PALM2AKAP2: variants seen among roughly 807,000 people sequenced by gnomAD.
The protein encoded by PALM2AKAP2 is PALM2 and AKAP2 fusion, also known as PALM2-AKAP2 fusion protein.
A neutral mutation model predicts 71.5 loss-of-function variants in PALM2AKAP2; 37 were observed. The observed-to-expected ratio is 0.52, with a 90% CI of 0.40 to 0.68. PALM2AKAP2 has a LOEUF of 0.68. PALM2AKAP2 is among the 30% of genes least tolerant of loss of function. The pLI is 0.00. For synonymous variants in PALM2AKAP2, 468 were observed against 478.8 expected, an observed-to-expected ratio of 0.98 and a Z score of 0.29; for missense variants, 1,224 against 1,191.8, an observed-to-expected ratio of 1.03 and a Z score of -0.40.
chr9:109,780,348 C>T (rs572249928), upstream of PALM2AKAP2: 51 of 1,552,802 alleles, frequency 3.3e-5, no homozygotes, highest in African/African-American at 6.4e-4. Flanking sequence ...TGCCCGCCGC[C>T]CCTGGAGCGG....
intron 1 of PALM2AKAP2, among the ~76,000 whole-genome samples, chr9:109,763,318 C>T (rs1829090220): frequency 6.6e-6 from 1 of 152,158 alleles, no homozygotes; most frequent in African/African-American, 2.4e-5. Flanking sequence ...CTTTTCTCTC[C>T]ATCTCCATAG....
At chr9:109,936,848 G>A (rs555243628) in intron 6 of PALM2AKAP2, among the ~76,000 whole-genome samples, 1 of 152,252 alleles carries the variant, frequency 6.6e-6, no homozygotes, top group South Asian at 2.1e-4. Flanking sequence ...GGAACATGTG[G>A]TGCTTATATT....
chr9:110,009,234 T>TC (rs1832834944), intron 6 of PALM2AKAP2, among the ~76,000 whole-genome samples: 1 of 152,150 alleles, frequency 6.6e-6, no homozygotes, highest in Admixed American at 6.5e-5. Context: ...TGCCACTCTC[T>TC]CCCTCTGAGG....
rs894420167 is a variant in PALM2AKAP2 at position 110,061,606 on chromosome 9, TTA to T, written c.156+12764_156+12765del. Among the ~76,000 whole-genome samples, 811 of 147,788 alleles carry T rather than the reference TTA, an allele frequency of 5.5e-3. 6 individuals are homozygous for T. Among genetic ancestry groups the T allele is most frequent in the Middle Eastern group, 0.022 (6 of 278 alleles). On this transcript the variant is annotated intron_variant, in intron 1 of 3. Transcript: ENST00000374525. The stretch of plus-strand genomic sequence containing the variant: ...AACCTTTGATAGAGATACCATTATT[TTA>T]TATATATATATAAAATATATATATT...
chr9:109,677,193 G>A (rs1827659224), intron 1 of PALM2AKAP2, among the ~76,000 whole-genome samples: 1 of 152,284 alleles, frequency 6.6e-6, no homozygotes. Flanking sequence ...AGAATAAACA[G>A]CATGTTCATT....
At chr9:109,917,505 T>C (rs906212173) in intron 3 of PALM2AKAP2, among the ~76,000 whole-genome samples, 2 of 150,024 alleles carry the variant, frequency 1.3e-5, no homozygotes, top group African/African-American at 4.9e-5. Context: ...TTTTTTTTTT[T>C]TGAGACAGGG....
intron 1 of PALM2AKAP2, among the ~76,000 whole-genome samples, chr9:109,864,700 CAGT>C (rs1382664133): frequency 5.9e-5 from 9 of 152,178 alleles, no homozygotes; most frequent in Non-Finnish European, 1.2e-4. Flanking sequence ...TGGTAGCATT[CAGT>C]AGTTGCGACA....
At chr9:109,762,734 A>G (rs1183589047) in intron 1 of PALM2AKAP2, among the ~76,000 whole-genome samples, 1 of 152,216 alleles carries the variant, frequency 6.6e-6, no homozygotes, top group Non-Finnish European at 1.5e-5. Context: ...CTTGCCTTGG[A>G]GCTGAGATAA....
chr9:110,125,738 T>A, intron 1 of PALM2AKAP2: 2 of 345,280 alleles, frequency 5.8e-6, no homozygotes, highest in Non-Finnish European at 8.1e-6. Context: ...TGCTGGAGAG[T>A]AGGCAGCCGA....
rs555876973 is a variant in PALM2AKAP2, at chr9:109,927,753, G to A, written c.394+2671G>A. On this transcript the variant is annotated intron_variant, in intron 5 of 9. Coordinates refer to the PALM2AKAP2 transcript ENST00000302798. ...ATTCTGACACCCACTCTCCTCCCCC[G>A]CCAACACACACTGTTGTTATATAGC... Among the ~76,000 whole-genome samples the A allele has an allele frequency of 1.3e-4, 20 of 152,172 alleles. No homozygotes were observed. The East Asian group carries it at 2.3e-3, about 18-fold the overall frequency.
chr9:110,104,206 G>A (rs73532144), intron 1 of PALM2AKAP2, among the ~76,000 whole-genome samples: 2,066 of 151,364 alleles, frequency 0.014, 42 homozygotes, highest in African/African-American at 0.047. Flanking sequence ...GTAAGGTATC[G>A]TATTTTGAGT....
At chr9:109,845,715 TA>T (rs1431278672) in intron 1 of PALM2AKAP2, among the ~76,000 whole-genome samples, 1 of 152,228 alleles carries the variant, frequency 6.6e-6, no homozygotes, top group Admixed American at 6.5e-5. Flanking sequence ...CTCATTCATT[TA>T]TTTGTTTATT....
At chr9:110,015,432 T>G (rs1832962290) in intron 6 of PALM2AKAP2, among the ~76,000 whole-genome samples, 1 of 152,122 alleles carries the variant, frequency 6.6e-6, no homozygotes, top group Non-Finnish European at 1.5e-5. Flanking sequence ...AATCCCCATC[T>G]CTACTAAAAA....
chr9:109,738,540 G>A (rs1828672559), intron 1 of PALM2AKAP2, among the ~76,000 whole-genome samples: 1 of 152,196 alleles, frequency 6.6e-6, no homozygotes, highest in South Asian at 2.1e-4. Context: ...ACTAGCAATG[G>A]ATGATTGAAA....
exon 2 of PALM2AKAP2, chr9:110,137,344 T>C (rs750226718): frequency 1.2e-6 from 2 of 1,614,148 alleles, no homozygotes; most frequent in Non-Finnish European, 1.7e-6. Context: ...AGCCACTGAC[T>C]AATCCGAGAC....
intron 2 of PALM2AKAP2, among the ~76,000 whole-genome samples, chr9:110,153,860 C>G (rs779379936): frequency 1.3e-5 from 2 of 152,188 alleles, no homozygotes; most frequent in African/African-American, 2.4e-5. Context: ...ATGGCCTTCA[C>G]AGAAATATAA....
rs116135286 is a variant in PALM2AKAP2, at chr9:110,125,656, G to T, written c.157-10471G>T. 5.2e-4 allele frequency: 496 copies of T among 954,864 alleles called. 2 individuals carry two copies. The African/African-American group carries it at 8.0e-3, about 15-fold the overall frequency. 59.1% of individuals were successfully genotyped at this position (954,864 alleles called of 1,614,324 possible). On this transcript the variant is annotated intron_variant, in intron 1 of 3. Transcript: ENST00000374525. ...TTTCTTTCTAATTTGAAAGGACAGGGGTCTTTTTTTGAGGCCAGTGTCTTT... is the reference window on the plus strand; with the variant it reads ...TTTCTTTCTAATTTGAAAGGACAGGTGTCTTTTTTTGAGGCCAGTGTCTTT...
At chr9:109,911,258 A>C (rs960316018) in intron 3 of PALM2AKAP2, among the ~76,000 whole-genome samples, 1 of 152,214 alleles carries the variant, frequency 6.6e-6, no homozygotes, top group African/African-American at 2.4e-5. Context: ...CTTTCCTGTA[A>C]TCAAAACTCT....
intron 1 of PALM2AKAP2, among the ~76,000 whole-genome samples, chr9:109,820,176 T>A (rs375177885): frequency 9.2e-5 from 14 of 152,318 alleles, no homozygotes; most frequent in African/African-American, 3.1e-4. Context: ...AATTAAAAAA[T>A]TAAGTTAGTC....
Sources: gnomAD v4.1 joint callset for allele counts (sites outside exome capture counted in the v4.1 genomes callset) on GRCh38, gnomAD v4.1.1 for gene constraint, MANE v1.5 for transcripts, NCBI Gene and HGNC (gene_info 2026-07-23, HGNC 2026-07-21) for gene names.